Variants in MPP2 observed in about 807,000 individuals in gnomAD.
The protein encoded by MPP2 is MAGUK p55 subfamily member 2.
Under a neutral mutation model 58.5 loss-of-function variants are expected in MPP2, and 42 were observed. The observed-to-expected ratio is 0.72, with a 90% CI of 0.56 to 0.93. The LOEUF (loss-of-function observed/expected upper bound fraction) is 0.93. MPP2 is among the 40% of genes least tolerant of loss of function. The pLI is 0.00. For missense variants in MPP2, 632 were observed against 760.4 expected (o/e 0.83, Z 1.99); for synonymous variants, 300 against 307.8 (o/e 0.97, Z 0.26).
chr17:43,900,625 G>C (rs910394838), intron 2 of MPP2: 11 of 1,462,058 alleles, frequency 7.5e-6, no homozygotes, highest in Non-Finnish European at 1.0e-5. Flanking sequence ...GCCAAAGCCT[G>C]GCCGGGCTGG....
chr17:43,883,883 T>C (rs1245000353), intron 3 of MPP2, among the ~76,000 whole-genome samples: 1 of 152,174 alleles, frequency 6.6e-6, no homozygotes, highest in Non-Finnish European at 1.5e-5. Context: ...CTGCACCTAT[T>C]TGTTGCTCTG....
intron 3 of MPP2, among the ~76,000 whole-genome samples, chr17:43,896,504 G>A (rs72836577): frequency 0.011 from 1,571 of 138,648 alleles, 5 homozygotes; most frequent in Non-Finnish European, 0.016. Context: ...GAGAGCCACC[G>A]AGCCTTCACC....
chr17:43,882,715 C>T (rs1366744249), intron 5 of MPP2, among the ~76,000 whole-genome samples, 188 bp downstream of exon 5: 1 of 151,438 alleles, frequency 6.6e-6, no homozygotes, highest in Non-Finnish European at 1.5e-5. Flanking sequence ...GGTGCGGACA[C>T]AGGTGTGTGT....
chr17:43,899,934 G>A (rs1237439738), intron 2 of MPP2, among the ~76,000 whole-genome samples: 2 of 152,152 alleles, frequency 1.3e-5, no homozygotes, highest in Non-Finnish European at 2.9e-5. Flanking sequence ...CCACCATGCC[G>A]CCCATGCCTA....
intron 3 of MPP2, among the ~76,000 whole-genome samples, chr17:43,883,561 G>C (rs1567883498): frequency 1.3e-5 from 2 of 151,160 alleles, no homozygotes; most frequent in African/African-American, 4.9e-5. Context: ...CTAGGACCTA[G>C]TTTAGGGAAG....
chr17:43,896,507 C>A (rs1365304581), intron 3 of MPP2, among the ~76,000 whole-genome samples: 4 of 139,334 alleles, frequency 2.9e-5, no homozygotes, highest in African/African-American at 5.4e-5. Flanking sequence ...AGCCACCGAG[C>A]CTTCACCTCC....
chr17:43,892,181 C>T (rs1432881651), intron 3 of MPP2, among the ~76,000 whole-genome samples: 1 of 152,102 alleles, frequency 6.6e-6, no homozygotes, highest in East Asian at 1.9e-4. Context: ...TCCCTGGTCC[C>T]AGATCTACCC....
intron 2 of MPP2, chr17:43,900,535 G>A (rs1326788379): frequency 1.3e-6 from 2 of 1,546,636 alleles, no homozygotes; most frequent in South Asian, 1.2e-5. Flanking sequence ...AGACCCCGCT[G>A]CCTGGGCTGC....
At chr17:43,897,098 C>T (rs2047877739) in intron 3 of MPP2, among the ~76,000 whole-genome samples, 1 of 152,234 alleles carries the variant, frequency 6.6e-6, no homozygotes, top group South Asian at 2.1e-4. Context: ...GAGCCACTAA[C>T]TGGCCTCTCC....
Position 43,879,162 on chromosome 17 carries a change from G to A in MPP2, c.1482+113C>T, listed in dbSNP as rs576436211. The A allele has an allele frequency of 6.1e-6, 8 of 1,317,138 alleles. No individual in the cohort carries two copies. The highest frequency in any genetic ancestry group is 2.9e-5 in the African/African-American group (2 of 68,292). The allele number at this position is 1,317,138 out of a possible 1,614,324, so 81.6% of individuals were successfully genotyped here. A position where few individuals can be genotyped will look rare whatever the true frequency, so the allele number is the denominator to read the frequency against. The stretch of plus-strand genomic sequence containing the variant: ...CCACGTCCTGCCTCACTGATAACTG[G>A]AGCAGGCCCCTGTCCCTCCCCAACA... On this transcript the variant is annotated intron_variant, in intron 12 of 12. Coordinates refer to ENST00000269095, the MANE Select transcript of MPP2 (RefSeq NM_005374.5). The surrounding 1 kb of genome is among the most constrained non-coding windows in gnomAD (Gnocchi z 4.1).
Position 43,880,294 on chromosome 17 carries a change from C to A in MPP2, c.1151-310G>T, listed in dbSNP as rs1262678960. On this transcript the variant is annotated intron_variant, in intron 10 of 12. Coordinates refer to ENST00000269095, the MANE Select transcript of MPP2 (RefSeq NM_005374.5). This position sits in a 1 kb window ranked among gnomAD's most constrained non-coding sequence, Gnocchi z 5.2. Reference sequence around the variant, plus strand: ...GCAGACCAGGGCAGTGCTCTTAGTCCTGCCTCTGGCAGCCAGGAGCTTCCA... The same window carrying A: ...GCAGACCAGGGCAGTGCTCTTAGTCATGCCTCTGGCAGCCAGGAGCTTCCA... 6.6e-6 allele frequency among the ~76,000 whole-genome samples: 1 copy of A among 152,178 alleles called. No individual in the cohort carries two copies. Among genetic ancestry groups the A allele is most frequent in the Non-Finnish European group, 1.5e-5 (1 of 68,032 alleles).
chr17:43,909,608 A>G (rs1458754405), upstream of MPP2: 3 of 1,479,800 alleles, frequency 2.0e-6, no homozygotes, highest in Non-Finnish European at 8.9e-7. Flanking sequence ...GGGATCTCAG[A>G]TTCTGGCCCA....
In MPP2 at chr17:43,882,431, C is replaced by T; in HGVS notation, c.534G>A (p.Leu178=). The part of the protein sequence containing the change: ...LHGGMVAQQG[L]LHVGDIIKEV... ...CCTTGATGATGTCACCCACATGCAG[C>T]AGGCCTTGTTGAGCCACCATGCCCC... Residue 178 remains leucine (L), a synonymous_variant, in exon 6 of 13, where the codon CTG becomes CTA. Coordinates refer to ENST00000269095, the MANE Select transcript of MPP2 (RefSeq NM_005374.5). 1.2e-6 allele frequency: 2 copies of T among 1,610,548 alleles called. No individual in the cohort carries two copies. Among genetic ancestry groups the T allele is most frequent in the Non-Finnish European group, 1.7e-6 (2 of 1,179,978 alleles).
In MPP2 at chr17:43,883,323, C is replaced by T; in HGVS notation, c.183G>A (p.Glu61=). The T allele has an allele frequency of 1.2e-6, 2 of 1,612,724 alleles. No individual in the cohort carries two copies. The highest frequency in any genetic ancestry group is 1.7e-6 in the Non-Finnish European group (2 of 1,179,952). Residue 61 remains glutamate (E), a synonymous_variant, in exon 4 of 13, where the codon GAG becomes GAA. Transcript: ENST00000269095. ...GCTCCAGGTTGTTGTCTCTCACGGC[C>T]TCCAGCTTCGTCTCCTCCAGCCTCT... is the stretch of plus-strand genomic sequence containing the variant. The part of the protein sequence containing the change: ...AHERLEETKL[E]AVRDNNLELV...
intron 2 of MPP2, among the ~76,000 whole-genome samples, chr17:43,899,152 C>T (rs148604884): frequency 0.057 from 8,652 of 152,134 alleles, 415 homozygotes; most frequent in Admixed American, 0.15. Flanking sequence ...GAGGCTGAGG[C>T]AGGAAAATCG....
chr17:43,901,772 C>G (rs1434341118), intron 2 of MPP2, among the ~76,000 whole-genome samples: 1 of 152,142 alleles, frequency 6.6e-6, no homozygotes, highest in South Asian at 2.1e-4. Context: ...AGTTCTCAGC[C>G]CAGTGCCACT....
intron 2 of MPP2, chr17:43,900,473 T>A: frequency 1.3e-6 from 2 of 1,549,180 alleles, no homozygotes; most frequent in Non-Finnish European, 1.7e-6. Context: ...TTCCCTACCT[T>A]CCCTCTGGAG....
At chr17:43,902,692 G>A (rs914685467) in intron 2 of MPP2, among the ~76,000 whole-genome samples, 10 of 152,188 alleles carry the variant, frequency 6.6e-5, no homozygotes, top group African/African-American at 2.4e-4. Context: ...TACCCAAAGT[G>A]GCAGCCCTGG....
At chr17:43,878,170 G>A (rs2046931649) in intron 12 of MPP2, among the ~76,000 whole-genome samples, 187 bp from the exon 13 acceptor site, 1 of 152,192 alleles carries the variant, frequency 6.6e-6, no homozygotes, top group South Asian at 2.1e-4. Context: ...CAGATGGTGA[G>A]TGAAAGGGAG....
Sources: allele counts gnomAD v4.1 joint callset (sites outside exome capture counted in the v4.1 genomes callset), GRCh38; gene constraint gnomAD v4.1.1; non-coding constraint Gnocchi (gnomAD v3.1); transcripts MANE v1.5; gene names NCBI Gene and HGNC (gene_info 2026-07-23, HGNC 2026-07-21).